Variants in ROR2 observed in about 807,000 individuals in gnomAD.
The protein encoded by ROR2 is tyrosine-protein kinase transmembrane receptor ROR2.
Under a neutral mutation model 74.9 loss-of-function variants are expected in ROR2, and 33 were observed. That is an observed-to-expected ratio of 0.44 (90% confidence interval 0.33 to 0.59). The LOEUF (loss-of-function observed/expected upper bound fraction) is 0.59, where lower values mean the gene tolerates loss of function less well. Ranked by LOEUF, ROR2 falls within the 20% of genes least tolerant of loss-of-function variation. ROR2 has a pLI of 0.02. For missense variants in ROR2, 1,216 were observed against 1,313.8 expected (o/e 0.93, Z 1.15); for synonymous variants, 586 against 558.7 (o/e 1.05, Z -0.69).
At chr9:91,864,019 C>CTTCT (rs577467530) in intron 1 of ROR2, among the ~76,000 whole-genome samples, 74 of 152,188 alleles carry the variant, frequency 4.9e-4, no homozygotes, top group Non-Finnish European at 8.4e-4. Context: ...AGGAAGCAGA[C>CTTCT]GCAGAAACAA....
chr9:91,862,499 G>A (rs1246206534), intron 1 of ROR2, among the ~76,000 whole-genome samples: 1 of 151,774 alleles, frequency 6.6e-6, no homozygotes, highest in East Asian at 1.9e-4. Flanking sequence ...CTCTACAGAA[G>A]ACACATGTAA....
chr9:91,944,068 A>T (rs1459565666), intron 1 of ROR2, among the ~76,000 whole-genome samples: 1 of 152,220 alleles, frequency 6.6e-6, no homozygotes, highest in African/African-American at 2.4e-5. Flanking sequence ...ACATTCTGGG[A>T]AATGTGTCCC....
intron 2 of ROR2, among the ~76,000 whole-genome samples, chr9:91,762,136 A>G (rs1825931853): frequency 6.6e-6 from 1 of 152,170 alleles, no homozygotes; most frequent in Admixed American, 6.5e-5. Flanking sequence ...TCCTCATTGC[A>G]TCACTCCACC....
intron 1 of ROR2, among the ~76,000 whole-genome samples, chr9:91,825,557 G>A (rs1444464384): frequency 1.3e-5 from 2 of 152,322 alleles, no homozygotes; most frequent in African/African-American, 2.4e-5. Context: ...CCCAGGCAGG[G>A]GGAGAAGGTG....
At chr9:91,838,165 C>G (rs1587768985) in intron 1 of ROR2, among the ~76,000 whole-genome samples, 1 of 152,180 alleles carries the variant, frequency 6.6e-6, no homozygotes, top group Non-Finnish European at 1.5e-5. Flanking sequence ...CCCTCTGGAT[C>G]CTGAAAGATG....
chr9:91,847,586 G>A (rs779944829), intron 1 of ROR2, among the ~76,000 whole-genome samples: 12 of 151,946 alleles, frequency 7.9e-5, no homozygotes, highest in Non-Finnish European at 1.5e-4. Flanking sequence ...GTCTTTCAAA[G>A]TAAGCCCAGG....
At chr9:91,730,860 AG>A in intron 7 of ROR2, 49 bp downstream of exon 7, 1 of 1,612,614 alleles carries the variant, frequency 6.2e-7, no homozygotes, top group Non-Finnish European at 8.5e-7. Context: ...CCTCATCACA[AG>A]GTTCACTCAA....
chr9:91,948,889 G>C, intron 1 of ROR2: 1 of 985,404 alleles, frequency 1.0e-6, no homozygotes, highest in African/African-American at 1.7e-5. Flanking sequence ...CGAGGCGCGC[G>C]GGCGGGAGGT....
chr9:91,844,609 G>A (rs1828871229), intron 1 of ROR2, among the ~76,000 whole-genome samples: 1 of 152,194 alleles, frequency 6.6e-6, no homozygotes, highest in Admixed American at 6.5e-5. Flanking sequence ...GGCTGGGGCT[G>A]AACTTGCTCA....
chr9:91,918,916 C>T (rs1831202631), intron 1 of ROR2, among the ~76,000 whole-genome samples: 1 of 152,112 alleles, frequency 6.6e-6, no homozygotes, highest in Non-Finnish European at 1.5e-5. Context: ...CCCACACGTA[C>T]ACAGCCCCCC....
rs1198449869 is a variant in ROR2 at position 91,932,366 on chromosome 9, T to TA, written c.97+17500dup. Among the ~76,000 whole-genome samples, 6 of 151,636 alleles carry TA rather than the reference T, an allele frequency of 4.0e-5. No homozygotes were observed. The East Asian group carries it at 7.8e-4, about 20-fold the overall frequency. On this transcript the variant is annotated intron_variant, in intron 1 of 8. Coordinates refer to ENST00000375708, the MANE Select transcript of ROR2 (RefSeq NM_004560.4). ...ACTTACCGCATGAAAACAAATATCA[T>TA]AAAAAAAATCAAAGGAGAACGTGAG...
In ROR2 at chr9:91,726,620, G is replaced by A. The variant is rs149842671; in HGVS notation, c.1307C>T (p.Ala436Val). The A allele has an allele frequency of 1.3e-4, 207 of 1,613,840 alleles. No individual in the cohort carries two copies. The East Asian group carries it at 3.0e-3, about 23-fold the overall frequency. ...CMCRNKQKAS[A>V]STPQRRQLMA... is the part of the protein sequence containing the mutation. Reference sequence around the variant, plus strand: ...CAGCTGTCGCCGCTGCGGTGTGGACGCAGATGCCTTCTGCTTATTCCGGCA... The same window carrying A: ...CAGCTGTCGCCGCTGCGGTGTGGACACAGATGCCTTCTGCTTATTCCGGCA... The change falls in exon 8 of 9, where the codon GCG (alanine) becomes GTG (valine). Residue 436 changes from alanine to valine, a missense_variant. Physicochemically the swap from Ala to Val is moderately conservative, Grantham distance 64. Transcript: ENST00000375708.
At chr9:91,883,373 C>T (rs1830174745) in intron 1 of ROR2, 1 of 152,208 alleles carries the variant, frequency 6.6e-6, no homozygotes, top group Non-Finnish European at 1.5e-5. Flanking sequence ...TTCCCACTCA[C>T]ATTTTCTTCA....
At chr9:91,918,126 TGCGTGGTGGCAG>T (rs1831181139) in intron 1 of ROR2, among the ~76,000 whole-genome samples, 1 of 151,690 alleles carries the variant, frequency 6.6e-6, no homozygotes. Flanking sequence ...AAATCAGCTG[TGCGTGGTGGCAG>T]GCGCCTGTAG....
chr9:91,768,989 A>G (rs1170662316), intron 2 of ROR2, among the ~76,000 whole-genome samples: 2 of 151,710 alleles, frequency 1.3e-5, no homozygotes, highest in Admixed American at 6.6e-5. Context: ...TGGACATCTC[A>G]TGTTTGTTTT....
intron 1 of ROR2, among the ~76,000 whole-genome samples, chr9:91,858,345 G>A (rs748431764): frequency 9.9e-5 from 15 of 152,180 alleles, no homozygotes; most frequent in Non-Finnish European, 1.8e-4. Context: ...AGGCACCTGC[G>A]TGCACACAGG....
chr9:91,918,937 CT>C (rs1300012913), intron 1 of ROR2, among the ~76,000 whole-genome samples: 1 of 152,112 alleles, frequency 6.6e-6, no homozygotes, highest in Non-Finnish European at 1.5e-5. Context: ...AACCCCTGTC[CT>C]TGTCATGCCC....
At chr9:91,758,781 G>A (rs1004511639) in intron 2 of ROR2, among the ~76,000 whole-genome samples, 1 of 152,256 alleles carries the variant, frequency 6.6e-6, no homozygotes, top group African/African-American at 2.4e-5. Flanking sequence ...GGATGTGTGT[G>A]AGTATGCATG....
At chr9:91,773,032 T>C (rs1213804898) in intron 2 of ROR2, among the ~76,000 whole-genome samples, 1 of 152,202 alleles carries the variant, frequency 6.6e-6, no homozygotes, top group Non-Finnish European at 1.5e-5. Context: ...AAGTGCATCA[T>C]GAATATGCAG....
Sources: gnomAD v4.1 joint callset for allele counts (sites outside exome capture counted in the v4.1 genomes callset) on GRCh38, gnomAD v4.1.1 for gene constraint, MANE v1.5 for transcripts, NCBI Gene and HGNC (gene_info 2026-07-23, HGNC 2026-07-21) for gene names.